BTBD9: variants seen among roughly 807,000 people sequenced by gnomAD.
The protein encoded by BTBD9 is BTB/POZ domain-containing protein 9.
BTBD9 carries 49 observed loss-of-function variants against 64.3 expected under a neutral mutation model. The observed-to-expected ratio is 0.76, with a 90% CI of 0.61 to 0.97. BTBD9 has a LOEUF of 0.97. BTBD9 is among the 50% of genes least tolerant of loss of function. The probability of loss-of-function intolerance (pLI) is 0.00; values close to 1 mark genes in which losing one functional copy is unlikely to be tolerated. For missense variants in BTBD9, 598 were observed against 762.1 expected (o/e 0.78, Z 2.53); for synonymous variants, 260 against 274.7 (o/e 0.95, Z 0.53).
chr6:38,616,217 A>G (rs911620948), intron 1 of BTBD9, among the ~76,000 whole-genome samples: 3 of 152,196 alleles, frequency 2.0e-5, no homozygotes, highest in African/African-American at 7.2e-5. Context: ...AAATTCTGCT[A>G]CCAACCACTG....
Position 38,198,120 on chromosome 6 carries a change from CTT to C in BTBD9, c.1563-5525_1563-5524del, listed in dbSNP as rs1172674538. On this transcript the variant is annotated intron_variant, in intron 9 of 10. Coordinates refer to ENST00000481247, the MANE Select transcript of BTBD9 (RefSeq NM_001099272.2). ...GCAAATGTTTTATTATTTTTATTCT[CTT>C]ATGGATTTTAAACAGTTCTTGAAAT... is the stretch of plus-strand genomic sequence containing the variant. 3.9e-5 allele frequency among the ~76,000 whole-genome samples: 6 copies of C among 152,238 alleles called. No homozygotes were observed. The South Asian group carries it at 1.0e-3, about 26-fold the overall frequency.
chr6:38,410,676 G>T (rs1767384933), intron 6 of BTBD9, among the ~76,000 whole-genome samples: 1 of 151,998 alleles, frequency 6.6e-6, no homozygotes, highest in Non-Finnish European at 1.5e-5. Flanking sequence ...CTTCAGTGAG[G>T]AAGTTCCTTA....
intron 9 of BTBD9, among the ~76,000 whole-genome samples, chr6:38,241,792 G>A (rs1005685881): frequency 6.6e-6 from 1 of 152,054 alleles, no homozygotes; most frequent in East Asian, 1.9e-4. Flanking sequence ...AAAACAGAGG[G>A]AAAAAAACCA....
intron 6 of BTBD9, among the ~76,000 whole-genome samples, chr6:38,390,033 T>C (rs1766342783): frequency 6.6e-6 from 1 of 152,226 alleles, no homozygotes. Context: ...TGTCATCATA[T>C]GCCACTCAAA....
intron 6 of BTBD9, 92 bp downstream of exon 6, chr6:38,577,505 CTCT>C: frequency 4.7e-6 from 6 of 1,274,756 alleles, no homozygotes; most frequent in Non-Finnish European, 6.5e-6. Context: ...TCCTGAATAA[CTCT>C]TTTTTCAAGA....
At position 38,463,149 on chromosome 6, in the gene BTBD9, TATAATAA is replaced by T. The variant is rs1770181822; in HGVS notation, c.1154+114444_1154+114450del. Among the ~76,000 whole-genome samples, 5 of 152,366 alleles carry T rather than the reference TATAATAA, an allele frequency of 3.3e-5. No homozygotes were observed. In the South Asian group the frequency reaches 1.0e-3, roughly 32 times the overall value. On this transcript the variant is annotated intron_variant, in intron 6 of 10. Transcript: ENST00000481247. ...CTAAGTATTTCAAATCTTTTGATGCTATAATAAATGAGTTTTTAAAAATCAATTGTTG... is the reference window on the plus strand; with the variant it reads ...CTAAGTATTTCAAATCTTTTGATGCTATGAGTTTTTAAAAATCAATTGTTG...
At position 38,541,890 on chromosome 6, in the gene BTBD9, C is replaced by T. The variant is rs542696228; in HGVS notation, c.1154+35710G>A. On this transcript the variant is annotated intron_variant, in intron 6 of 10. Coordinates refer to ENST00000481247, the MANE Select transcript of BTBD9 (RefSeq NM_001099272.2). ...TTCCATTTGTATATGAGTAGAAATT[C>T]TAAGGTTCCTAAGATTGCTGTCATG... Among the ~76,000 whole-genome samples, 7 of 152,286 alleles carry T rather than the reference C, an allele frequency of 4.6e-5. No homozygotes were observed. The East Asian group carries it at 1.2e-3, about 25-fold the overall frequency.
At chr6:38,465,753 A>ATGTATG (rs1554158494) in intron 6 of BTBD9, among the ~76,000 whole-genome samples, 34 of 39,596 alleles carry the variant, frequency 8.6e-4, no homozygotes, top group Non-Finnish European at 9.8e-4. Flanking sequence ...ATATATATAT[A>ATGTATG]TATGTATGTA....
chr6:38,300,034 A>G (rs1360557746), intron 7 of BTBD9, among the ~76,000 whole-genome samples: 1 of 152,192 alleles, frequency 6.6e-6, no homozygotes, highest in African/African-American at 2.4e-5. Context: ...TAATTTTTGT[A>G]TAAGGTGTAA....
chr6:38,584,415 A>T (rs543949222), intron 4 of BTBD9, among the ~76,000 whole-genome samples: 1 of 152,346 alleles, frequency 6.6e-6, no homozygotes, highest in East Asian at 1.9e-4. Context: ...TTAAGCTTTG[A>T]AATTCTACAG....
intron 9 of BTBD9, among the ~76,000 whole-genome samples, chr6:38,204,575 T>C (rs1762572424): frequency 6.6e-6 from 1 of 152,134 alleles, no homozygotes; most frequent in African/African-American, 2.4e-5. Context: ...GTGATGGCTA[T>C]TGGGTATGTG....
chr6:38,354,356 T>TAC (rs1262132636), intron 6 of BTBD9, among the ~76,000 whole-genome samples: 2 of 152,294 alleles, frequency 1.3e-5, no homozygotes, highest in African/African-American at 4.8e-5. Context: ...CCATACTCCG[T>TAC]ACACTCATAC....
At chr6:38,502,972 C>T (rs1330588795) in intron 6 of BTBD9, among the ~76,000 whole-genome samples, 1 of 152,088 alleles carries the variant, frequency 6.6e-6, no homozygotes, top group Non-Finnish European at 1.5e-5. Flanking sequence ...AAAGTAGGTG[C>T]TCCACACTAT....
chr6:38,585,785 A>T (rs1776488252), intron 4 of BTBD9, among the ~76,000 whole-genome samples: 1 of 152,202 alleles, frequency 6.6e-6, no homozygotes, highest in African/African-American at 2.4e-5. Context: ...TAGGTGCTTG[A>T]AAAACAAAGG....
At chr6:38,434,301 C>T (rs1338876314) in intron 6 of BTBD9, among the ~76,000 whole-genome samples, 1 of 151,944 alleles carries the variant, frequency 6.6e-6, no homozygotes, top group Non-Finnish European at 1.5e-5. Context: ...CATCTGTTGT[C>T]TCTAAGGTCA....
intron 6 of BTBD9, among the ~76,000 whole-genome samples, chr6:38,484,625 A>G (rs1771315260): frequency 6.6e-6 from 1 of 152,242 alleles, no homozygotes; most frequent in South Asian, 2.1e-4. Context: ...GTTTATGACC[A>G]CACAATAAAG....
At chr6:38,305,648 A>AT (rs931476243) in intron 7 of BTBD9, among the ~76,000 whole-genome samples, 138 of 150,966 alleles carry the variant, frequency 9.1e-4, no homozygotes, top group African/African-American at 3.0e-3. Flanking sequence ...CACCGGGCTA[A>AT]TTTTTTTTTG....
chr6:38,421,005 T>C (rs1767878324), intron 6 of BTBD9, among the ~76,000 whole-genome samples: 1 of 152,188 alleles, frequency 6.6e-6, no homozygotes, highest in African/African-American at 2.4e-5. Context: ...GATAGGATTG[T>C]CTAAAGCTTT....
chr6:38,504,363 C>T (rs976411303), intron 6 of BTBD9: 4 of 311,914 alleles, frequency 1.3e-5, no homozygotes, highest in South Asian at 3.0e-5. Flanking sequence ...TATTATTTTA[C>T]GGAGACTACA....
Sources: gnomAD v4.1 joint callset for allele counts (sites outside exome capture counted in the v4.1 genomes callset) on GRCh38, gnomAD v4.1.1 for gene constraint, MANE v1.5 for transcripts, NCBI Gene and HGNC (gene_info 2026-07-23, HGNC 2026-07-21) for gene names.